NKAIN2: variants seen among roughly 807,000 people sequenced by gnomAD.
NKAIN2 encodes sodium/potassium-transporting ATPase subunit beta-1-interacting protein 2.
A neutral mutation model predicts 32.6 loss-of-function variants in NKAIN2; 14 were observed. That is an observed-to-expected ratio of 0.43 (90% CI 0.28 to 0.67). The LOEUF is 0.67. NKAIN2 is among the 30% of genes least tolerant of loss of function. NKAIN2 has a pLI of 0.17. For synonymous variants in NKAIN2, 80 were observed against 87.2 expected (o/e 0.92, Z 0.46); for missense variants, 198 against 258.3 (o/e 0.77, Z 1.60).
At chr6:123,897,620 C>A (rs1774348496) in intron 1 of NKAIN2, among the ~76,000 whole-genome samples, 1 of 151,972 alleles carries the variant, frequency 6.6e-6, no homozygotes. Context: ...GGCATGCTTT[C>A]TGATTAATTA....
At chr6:124,740,688 T>C (rs1398640648) in intron 4 of NKAIN2, among the ~76,000 whole-genome samples, 3 of 151,848 alleles carry the variant, frequency 2.0e-5, no homozygotes, top group South Asian at 2.1e-4. Context: ...AGTTCTGCAA[T>C]GGCAGTGAGT....
At chr6:123,816,874 G>A (rs1773715768) in intron 1 of NKAIN2, among the ~76,000 whole-genome samples, 1 of 152,162 alleles carries the variant, frequency 6.6e-6, no homozygotes, top group Non-Finnish European at 1.5e-5. Context: ...TTGGTAGAGT[G>A]TCTAGTTATT....
chr6:123,996,048 A>C (rs1046925935), intron 1 of NKAIN2, among the ~76,000 whole-genome samples: 1 of 152,236 alleles, frequency 6.6e-6, no homozygotes, highest in South Asian at 2.1e-4. Flanking sequence ...AGTAAAATCT[A>C]GGTATGAAGT....
intron 3 of NKAIN2, among the ~76,000 whole-genome samples, chr6:124,506,782 C>A (rs1430588553): frequency 1.3e-5 from 2 of 152,158 alleles, no homozygotes; most frequent in African/African-American, 2.4e-5. Context: ...TTCTTATGAA[C>A]ATGGCTAAAG....
At chr6:124,505,405 G>A (rs1011508770) in intron 3 of NKAIN2, among the ~76,000 whole-genome samples, 4 of 152,104 alleles carry the variant, frequency 2.6e-5, no homozygotes, top group East Asian at 1.9e-4. Context: ...TTATAAAGCC[G>A]ACTAGGAAAA....
At chr6:124,806,072 A>G (rs1003043973) in intron 5 of NKAIN2, among the ~76,000 whole-genome samples, 21 of 152,202 alleles carry the variant, frequency 1.4e-4, no homozygotes, top group Admixed American at 3.9e-4. Context: ...TCTGCAGGAT[A>G]TTATCCAGGA....
chr6:124,236,733 C>T (rs1422987514), intron 1 of NKAIN2, among the ~76,000 whole-genome samples: 2 of 151,870 alleles, frequency 1.3e-5, no homozygotes, highest in Admixed American at 6.6e-5. Flanking sequence ...AAAGGCAACT[C>T]GGATGGTGGT....
intron 3 of NKAIN2, among the ~76,000 whole-genome samples, chr6:124,534,497 C>A (rs954554288): frequency 1.3e-5 from 2 of 152,164 alleles, no homozygotes; most frequent in African/African-American, 4.8e-5. Context: ...GAAACTAGCC[C>A]AACGCCTTGT....
intron 2 of NKAIN2, among the ~76,000 whole-genome samples, chr6:124,308,830 C>G (rs1796611558): frequency 6.6e-6 from 1 of 152,032 alleles, no homozygotes. Context: ...AAAATGAATC[C>G]AAGTCCCAAA....
At chr6:124,537,985 G>A (rs1779778773) in intron 3 of NKAIN2, among the ~76,000 whole-genome samples, 1 of 152,086 alleles carries the variant, frequency 6.6e-6, no homozygotes, top group Non-Finnish European at 1.5e-5. Flanking sequence ...AGCAGTAAGT[G>A]TGGAATGATA....
intron 3 of NKAIN2, among the ~76,000 whole-genome samples, chr6:124,624,676 T>G (rs1015194848): frequency 6.6e-6 from 1 of 152,210 alleles, no homozygotes; most frequent in Non-Finnish European, 1.5e-5. Context: ...AGAATTACAC[T>G]TTTTAGGATA....
At chr6:124,529,474 G>A (rs1779441414) in intron 3 of NKAIN2, among the ~76,000 whole-genome samples, 1 of 152,156 alleles carries the variant, frequency 6.6e-6, no homozygotes, top group South Asian at 2.1e-4. Context: ...TCTCATTGGG[G>A]TGACTAGAGT....
At chr6:124,786,961 G>C (rs1447181447) in intron 4 of NKAIN2, among the ~76,000 whole-genome samples, 1 of 151,908 alleles carries the variant, frequency 6.6e-6, no homozygotes. Context: ...TCTGAACTGG[G>C]CCACTTCCTC....
At chr6:124,205,024 A>G (rs1242470639) in intron 1 of NKAIN2, among the ~76,000 whole-genome samples, 2 of 151,730 alleles carry the variant, frequency 1.3e-5, no homozygotes, top group Non-Finnish European at 1.5e-5. Context: ...AAACTTTATT[A>G]TTATTATGAC....
At chr6:124,416,565 G>T (rs1774497235) in intron 3 of NKAIN2, among the ~76,000 whole-genome samples, 1 of 152,190 alleles carries the variant, frequency 6.6e-6, no homozygotes, top group Non-Finnish European at 1.5e-5. Flanking sequence ...CTTGAGCCCA[G>T]AAGATTGAGG....
intron 1 of NKAIN2, among the ~76,000 whole-genome samples, chr6:123,805,761 T>G (rs1357557805): frequency 6.6e-6 from 1 of 152,194 alleles, no homozygotes; most frequent in Non-Finnish European, 1.5e-5. Flanking sequence ...AAAACATTCT[T>G]ATTTTTATAT....
chr6:124,311,923 C>A (rs778205926), intron 2 of NKAIN2, among the ~76,000 whole-genome samples: 1 of 152,092 alleles, frequency 6.6e-6, no homozygotes, highest in Non-Finnish European at 1.5e-5. Context: ...AATGTACTCT[C>A]CTTTACTCCC....
chr6:124,634,414 A>T (rs1442066309), intron 3 of NKAIN2, among the ~76,000 whole-genome samples: 3 of 152,098 alleles, frequency 2.0e-5, no homozygotes, highest in Non-Finnish European at 4.4e-5. Context: ...ATAATAAAAA[A>T]CCAAACAGAA....
chr6:123,803,992 G>A lies in NKAIN2; in HGVS notation c.-209G>A. The A allele has an allele frequency of 5.2e-6, 3 of 575,150 alleles. No individual in the cohort carries two copies. The highest frequency in any genetic ancestry group is 9.3e-6 in the Non-Finnish European group (3 of 321,878). 35.6% of individuals were successfully genotyped at this position (575,150 alleles called of 1,614,324 possible). ...CCGAGCGAGTGAAGGTATGTGTGGC[G>A]GGCGCGGCTGGAGCTGCCGCCGCCG... On this transcript the variant is annotated 5_prime_UTR_variant, in exon 1 of 7. Transcript: ENST00000368417.
Sources: gnomAD v4.1 joint callset for allele counts (sites outside exome capture counted in the v4.1 genomes callset) on GRCh38, gnomAD v4.1.1 for gene constraint, MANE v1.5 for transcripts, NCBI Gene and HGNC (gene_info 2026-07-23, HGNC 2026-07-21) for gene names.